Variants in CNBD1 observed in about 807,000 individuals in gnomAD.
CNBD1 encodes the protein cyclic nucleotide-binding domain-containing protein 1.
In CNBD1, 71 loss-of-function variants were observed where a neutral mutation model predicts 54.4. The observed-to-expected ratio is 1.30, with a 90% CI of 1.08 to 1.59. The LOEUF is 1.59. CNBD1 is among the 40% of genes most tolerant of loss of function. The pLI, the probability that CNBD1 is intolerant of heterozygous loss-of-function variation, is 0.00. For synonymous variants in CNBD1, 182 were observed against 170.7 expected, an observed-to-expected ratio of 1.07 and a Z score of -0.51; for missense variants, 659 against 518.0, an observed-to-expected ratio of 1.27 and a Z score of -2.64.
chr8:87,241,387 C>T (rs113146987), intron 6 of CNBD1, among the ~76,000 whole-genome samples: 7,658 of 148,402 alleles, frequency 0.052, 222 homozygotes, highest in Non-Finnish European at 0.062. Flanking sequence ...TCTCCTGCTT[C>T]AGCCTCCCCA....
chr8:86,888,385 T>C (rs1420128060), intron 2 of CNBD1, among the ~76,000 whole-genome samples: 3 of 152,192 alleles, frequency 2.0e-5, no homozygotes, highest in African/African-American at 7.2e-5. Context: ...TGTGCATTGC[T>C]GCCTCCTCCT....
chr8:87,161,017 TATC>T (rs1261583815), intron 4 of CNBD1, among the ~76,000 whole-genome samples: 2 of 152,060 alleles, frequency 1.3e-5, no homozygotes, highest in East Asian at 3.9e-4. Flanking sequence ...TCTTCATTGT[TATC>T]ATCATCATCA....
chr8:87,304,602 C>T (rs1445614951), intron 8 of CNBD1, among the ~76,000 whole-genome samples: 1 of 151,714 alleles, frequency 6.6e-6, no homozygotes, highest in African/African-American at 2.4e-5. Context: ...AAACCTGCAC[C>T]TTGTGCAAAT....
At chr8:87,392,553 CA>C in intron 2 of CNBD1, among the ~76,000 whole-genome samples, 1 of 151,878 alleles carries the variant, frequency 6.6e-6, no homozygotes, top group South Asian at 2.1e-4. Context: ...AAGTTAGAAA[CA>C]AAAAATTACA....
intron 2 of CNBD1, among the ~76,000 whole-genome samples, chr8:87,408,140 T>C (rs1316756678): frequency 6.6e-6 from 1 of 152,100 alleles, no homozygotes; most frequent in Non-Finnish European, 1.5e-5. Flanking sequence ...TGCCTTAACA[T>C]TATTTTCTAT....
rs1401035350 is a variant in CNBD1, at chr8:87,274,711, C to T, written c.772-9967C>T. Among the ~76,000 whole-genome samples the T allele has an allele frequency of 3.1e-3, 409 of 133,278 alleles. 58 individuals are homozygous for T. The highest frequency in any genetic ancestry group is 0.011 in the African/African-American group (354 of 32,826). 87.4% of individuals were successfully genotyped at this position (133,278 alleles called of 152,430 possible). On this transcript the variant is annotated intron_variant, in intron 6 of 10. Coordinates refer to ENST00000518476, the MANE Select transcript of CNBD1 (RefSeq NM_173538.3). The stretch of plus-strand genomic sequence containing the variant: ...TAGGTTGTGAAAATTTTCTCCCATT[C>T]TGTAGGTTGCCTGTTCACTCTGATG...
intron 4 of CNBD1, among the ~76,000 whole-genome samples, chr8:86,991,402 CTCTCTCTCTT>C (rs1808744422): frequency 6.6e-6 from 1 of 152,110 alleles, no homozygotes; most frequent in Non-Finnish European, 1.5e-5. Flanking sequence ...GTCTCTCTCT[CTCTCTCTCTT>C]TTGTTAATCT....
chr8:87,150,818 G>T (rs1443084742), intron 4 of CNBD1, among the ~76,000 whole-genome samples: 1 of 152,142 alleles, frequency 6.6e-6, no homozygotes, highest in Admixed American at 6.5e-5. Context: ...CTTTCTTGAT[G>T]ATTATATTTC....
In CNBD1 at chr8:86,868,498, A is replaced by G. The variant is rs190983373; in HGVS notation, c.88+1915A>G. ...GCTGGGACTACAGGTGTGCCTGGCT[A>G]ATTTTTGTATTTTTAGTAGAGATGG... On this transcript the variant is annotated intron_variant, in intron 1 of 10. Transcript: ENST00000518476. Among the ~76,000 whole-genome samples, 133 of 151,972 alleles carry G rather than the reference A, an allele frequency of 8.8e-4. No individual in the cohort carries two copies. In the East Asian group the frequency reaches 0.017, roughly 20 times the overall value.
chr8:87,415,643 C>A (rs765744107), intron 2 of CNBD1, among the ~76,000 whole-genome samples: 5 of 151,894 alleles, frequency 3.3e-5, no homozygotes, highest in Non-Finnish European at 7.4e-5. Flanking sequence ...AAGCTTTCTT[C>A]TTCTCTTTCT....
chr8:87,218,186 A>G (rs1465520814), intron 5 of CNBD1, among the ~76,000 whole-genome samples: 1 of 152,066 alleles, frequency 6.6e-6, no homozygotes, highest in Non-Finnish European at 1.5e-5. Context: ...CATGCTCTTG[A>G]TCTGAAACAT....
intron 4 of CNBD1, among the ~76,000 whole-genome samples, chr8:87,097,155 A>T (rs1470059713): frequency 6.6e-6 from 1 of 152,194 alleles, no homozygotes; most frequent in Non-Finnish European, 1.5e-5. Flanking sequence ...TCCTTGTGCA[A>T]TGAGTCTTGT....
chr8:87,127,347 T>C (rs1386796715), intron 4 of CNBD1, among the ~76,000 whole-genome samples: 2 of 152,140 alleles, frequency 1.3e-5, no homozygotes, highest in Admixed American at 6.5e-5. Context: ...GCAATGTTTT[T>C]AGTTTTTAAT....
At chr8:86,892,592 A>G (rs1011512772) in intron 2 of CNBD1, among the ~76,000 whole-genome samples, 2 of 152,160 alleles carry the variant, frequency 1.3e-5, no homozygotes, top group Non-Finnish European at 2.9e-5. Context: ...AGAAAATAAC[A>G]TTTTAAGATT....
intron 4 of CNBD1, among the ~76,000 whole-genome samples, chr8:86,941,111 G>T (rs1673964107): frequency 1.3e-5 from 2 of 152,118 alleles, no homozygotes; most frequent in African/African-American, 4.8e-5. Context: ...AGAGCTTCCA[G>T]AAAATTTGAG....
chr8:87,304,035 G>T (rs185988120), intron 8 of CNBD1, among the ~76,000 whole-genome samples: 1 of 152,308 alleles, frequency 6.6e-6, no homozygotes, highest in Admixed American at 6.5e-5. Flanking sequence ...TTACACATTG[G>T]TGGGACTGTA....
intron 6 of CNBD1, among the ~76,000 whole-genome samples, chr8:87,278,029 A>G (rs1187895627): frequency 3.3e-5 from 5 of 151,664 alleles, no homozygotes; most frequent in African/African-American, 4.8e-5. Flanking sequence ...ATAACTTAAA[A>G]ATGTAAAATG....
intron 6 of CNBD1, among the ~76,000 whole-genome samples, chr8:87,253,593 G>A (rs1431164387): frequency 1.3e-5 from 2 of 152,146 alleles, no homozygotes; most frequent in East Asian, 1.9e-4. Context: ...GTGCCATGTG[G>A]TATCTCTTTT....
chr8:87,404,841 G>GT (rs11424223), intron 2 of CNBD1, among the ~76,000 whole-genome samples: 139,551 of 151,990 alleles, frequency 0.92, 64,444 homozygotes, highest in African/African-American at 0.98. Flanking sequence ...AGGCAACAAT[G>GT]TTTTGCAAAA....
Sources: gnomAD v4.1 joint callset for allele counts (sites outside exome capture counted in the v4.1 genomes callset) on GRCh38, gnomAD v4.1.1 for gene constraint, MANE v1.5 for transcripts, NCBI Gene and HGNC (gene_info 2026-07-23, HGNC 2026-07-21) for gene names.